KIT: variants seen among roughly 807,000 people sequenced by gnomAD.
KIT encodes the protein KIT proto-oncogene, receptor tyrosine kinase.
Under a neutral mutation model 105.7 loss-of-function variants are expected in KIT, and 16 were observed. The observed-to-expected ratio is 0.15, with a 90% CI of 0.10 to 0.23. KIT has a LOEUF of 0.23. Among genes scored for constraint, KIT ranks in the 10% least tolerant of loss-of-function variants. The pLI is 1.00. For synonymous variants in KIT, 438 were observed against 441.1 expected (o/e 0.99, Z 0.09); for missense variants, 858 against 1,213.8 (o/e 0.71, Z 4.36).
At chr4:54,683,308 C>T (rs1669140340) in intron 1 of KIT, among the ~76,000 whole-genome samples, 1 of 152,222 alleles carries the variant, frequency 6.6e-6, no homozygotes, top group African/African-American at 2.4e-5. Context: ...TATATTTTCC[C>T]CTTCACATCC....
intron 1 of KIT, among the ~76,000 whole-genome samples, chr4:54,684,169 G>T (rs1051427926): frequency 7.0e-6 from 1 of 142,956 alleles, no homozygotes; most frequent in Non-Finnish European, 1.5e-5. Context: ...ACACAGAGGT[G>T]TGTGGGTGGG....
chr4:54,684,513 A>G (rs2282776), intron 1 of KIT, among the ~76,000 whole-genome samples: 18,990 of 151,876 alleles, frequency 0.13, 1,927 homozygotes, highest in African/African-American at 0.28. Context: ...CTTTATTGCC[A>G]TCTTCCTCTG....
chr4:54,736,632 C>A (rs2109811881), intron 18 of KIT, 23 bp downstream of exon 18: 8 of 1,600,572 alleles, frequency 5.0e-6, no homozygotes, highest in Non-Finnish European at 6.9e-6. Context: ...TTGCCAAAGA[C>A]AACTTCATTA....
chr4:54,729,376 C>G lies in KIT; in HGVS notation c.2032C>G (p.Leu678Val), dbSNP rs2109786187. The change falls in exon 14 of 21, where the codon CTT becomes GTT. Residue 678 changes from leucine to valine, a missense_variant. By Grantham distance (32) the Leu-to-Val change is conservative (BLOSUM62 1). This residue lies in a region of KIT where 158 missense variants were observed against 218.7 expected (regional missense o/e 0.72). Coordinates refer to ENST00000288135, the MANE Select transcript of KIT (RefSeq NM_000222.3). The stretch of plus-strand genomic sequence containing the variant: ...TACAGAATATTGTTGCTATGGTGAT[C>G]TTTTGAATTTTTTGAGAAGAAAACG... Reference protein sequence around the residue: ...VITEYCCYGDLLNFLRRKRDS... With the variant: ...VITEYCCYGDVLNFLRRKRDS... 6.2e-7 allele frequency: 1 copy of G among 1,613,708 alleles called. No individual in the cohort carries two copies. The highest frequency in any genetic ancestry group is 1.1e-5 in the South Asian group (1 of 91,060).
At chr4:54,697,887 A>T (rs1041618512) in intron 2 of KIT, among the ~76,000 whole-genome samples, 1 of 152,132 alleles carries the variant, frequency 6.6e-6, no homozygotes, top group African/African-American at 2.4e-5. Flanking sequence ...AGTTTTCCCA[A>T]AGTTTTAAGA....
At chr4:54,710,522 T>C (rs1267901376) in intron 7 of KIT, among the ~76,000 whole-genome samples, 1 of 152,162 alleles carries the variant, frequency 6.6e-6, no homozygotes, top group Non-Finnish European at 1.5e-5. Flanking sequence ...AGGAGCTTAC[T>C]TTCTGTACGA....
chr4:54,722,448 T>C (rs770478233), intron 7 of KIT, among the ~76,000 whole-genome samples: 3 of 152,176 alleles, frequency 2.0e-5, no homozygotes, highest in Non-Finnish European at 4.4e-5. Context: ...TGTAGAAACT[T>C]ACTCAAGTTC....
At chr4:54,732,445 A>G (rs1722668527) in intron 16 of KIT, among the ~76,000 whole-genome samples, 1 of 152,106 alleles carries the variant, frequency 6.6e-6, no homozygotes, top group Non-Finnish European at 1.5e-5. Context: ...TCAGGAAATA[A>G]GGGGTCAGAG....
intron 17 of KIT, among the ~76,000 whole-genome samples, chr4:54,734,956 G>T (rs995889721): frequency 1.3e-5 from 2 of 152,056 alleles, no homozygotes; most frequent in East Asian, 1.9e-4. Flanking sequence ...AGTGTAACAG[G>T]CTCTGTTAGG....
rs1304427689 is a variant in KIT, at chr4:54,738,847, C to T, written c.*290C>T. On this transcript the variant is annotated 3_prime_UTR_variant, in exon 21 of 21. Transcript: ENST00000288135. ...GAGGTATGGACTGGGGGCCAGAGTCCTTTCCAAGGCTTCTCCAATTCTGCC... is the reference window on the plus strand; with the variant it reads ...GAGGTATGGACTGGGGGCCAGAGTCTTTTCCAAGGCTTCTCCAATTCTGCC... 1 of 599,750 alleles carries T rather than the reference C, an allele frequency of 1.7e-6. No individual in the cohort carries two copies. The highest frequency in any genetic ancestry group is 3.0e-6 in the Non-Finnish European group (1 of 338,012). The allele number at this position is 599,750 out of a possible 1,614,324, so 37.2% of individuals were successfully genotyped here.
intron 7 of KIT, among the ~76,000 whole-genome samples, chr4:54,709,779 A>G (rs1721021629): frequency 6.6e-6 from 1 of 152,216 alleles, no homozygotes. Flanking sequence ...GCTGCCTTTG[A>G]AGTAAACAGA....
At chr4:54,659,391 T>G (rs1203951794) in intron 1 of KIT, among the ~76,000 whole-genome samples, 1 of 152,166 alleles carries the variant, frequency 6.6e-6, no homozygotes, top group African/African-American at 2.4e-5. Context: ...TCCCAGGTCA[T>G]TTTTTAAAAC....
In KIT at chr4:54,727,430, A is replaced by G. The variant is rs1577994816; in HGVS notation, c.1662A>G (p.Glu554=). 13 of 1,614,160 alleles carry G rather than the reference A, an allele frequency of 8.1e-6. No individual in the cohort carries two copies. Among genetic ancestry groups the G allele is most frequent in the Non-Finnish European group, 1.0e-5 (12 of 1,180,010 alleles). ...TYKYLQKPMY[E]VQWKVVEEIN... is the part of the protein sequence containing the mutation. ...TCTCCCCACAGAAACCCATGTATGA[A>G]GTACAGTGGAAGGTTGTTGAGGAGA... Residue 554 remains glutamate, a synonymous_variant, in exon 11 of 21, where the codon GAA becomes GAG. Transcript: ENST00000288135.
In KIT at chr4:54,738,937, C is replaced by A; in HGVS notation, c.*380C>A. On this transcript the variant is annotated 3_prime_UTR_variant, in exon 21 of 21. Transcript: ENST00000288135. The stretch of plus-strand genomic sequence containing the variant: ...AATCACAGTTGGCCTTCAGAACCAT[C>A]CATAGTAGTATGATGATACAAGATT... The A allele has an allele frequency of 1.8e-6, 1 of 568,980 alleles. No homozygotes were observed. The highest frequency in any genetic ancestry group is 3.1e-6 in the Non-Finnish European group (1 of 322,904). 35.2% of individuals were successfully genotyped at this position (568,980 alleles called of 1,614,324 possible).
At chr4:54,686,954 T>G (rs541984157) in intron 1 of KIT, among the ~76,000 whole-genome samples, 3 of 152,334 alleles carry the variant, frequency 2.0e-5, no homozygotes, top group African/African-American at 7.2e-5. Flanking sequence ...TCCAGGCATA[T>G]TCTCAAACTT....
At chr4:54,681,685 A>G (rs1718931155) in intron 1 of KIT, among the ~76,000 whole-genome samples, 1 of 152,152 alleles carries the variant, frequency 6.6e-6, no homozygotes, top group African/African-American at 2.4e-5. Context: ...AAGATGTCAG[A>G]GCCGTAAGTC....
rs1237579096 is a variant in KIT, at chr4:54,707,062, T to C, written c.926-36T>C. 6 of 1,221,508 alleles carry C rather than the reference T, an allele frequency of 4.9e-6. No homozygotes were observed. The South Asian group carries it at 7.5e-5, about 15-fold the overall frequency. 75.7% of individuals were successfully genotyped at this position (1,221,508 alleles called of 1,614,324 possible). A position where few individuals can be genotyped will look rare whatever the true frequency, so the allele number is the denominator to read the frequency against. On this transcript the variant is annotated intron_variant, in intron 5 of 20. Transcript: ENST00000288135. ...TGTTTTTTTGTCCAGTAGTTGTAGA[T>C]AATGGTTTCTTTCTGTCTTATTTCA...
chr4:54,736,413 C>T, intron 17 of KIT, 85 bp from the exon 18 acceptor site: 3 of 1,046,076 alleles, frequency 2.9e-6, no homozygotes, highest in East Asian at 2.4e-5. Flanking sequence ...ATTTCAGCAA[C>T]AGCAGCATCT....
intron 11 of KIT, 137 bp downstream of exon 11, chr4:54,727,679 G>A: frequency 5.3e-6 from 7 of 1,332,756 alleles, no homozygotes; most frequent in Non-Finnish European, 7.5e-6. Context: ...CCTTTTGATA[G>A]GTTTGCCATA....
Sources: gnomAD v4.1 joint callset for allele counts (sites outside exome capture counted in the v4.1 genomes callset) on GRCh38, gnomAD v4.1.1 for gene constraint, gnomAD v4.1.1 regional missense constraint, MANE v1.5 for transcripts, NCBI Gene and HGNC (gene_info 2026-07-23, HGNC 2026-07-21) for gene names.